The following SSBP1 variants were observed in gnomAD, a reference collection of about 807,000 sequenced individuals.
SSBP1 encodes the protein single stranded DNA binding protein 1.
In SSBP1, 20 loss-of-function variants were observed where a neutral mutation model predicts 27.0. That is an observed-to-expected ratio of 0.74 (90% confidence interval 0.52 to 1.08). The LOEUF (loss-of-function observed/expected upper bound fraction) is 1.08, where lower values mean the gene tolerates loss of function less well. SSBP1 is among the 50% of genes least tolerant of loss of function. The probability of loss-of-function intolerance (pLI) is 0.00; values close to 1 mark genes in which losing one functional copy is unlikely to be tolerated. For synonymous variants in SSBP1, 59 were observed against 59.3 expected (o/e 1.00, Z 0.02); for missense variants, 137 against 182.4 (o/e 0.75, Z 1.44).
At chr7:141,745,806 T>C in intron 6 of SSBP1, 1 of 1,291,274 alleles carries the variant, frequency 7.7e-7, no homozygotes, top group South Asian at 2.3e-5. Context: ...TAGTCACAAG[T>C]AACTTTTGAA....
In SSBP1 at chr7:141,745,578, A is replaced by G; in HGVS notation, c.397A>G (p.Ile133Val). The G allele has an allele frequency of 8.7e-6, 14 of 1,613,438 alleles. No homozygotes were observed. The highest frequency in any genetic ancestry group is 1.2e-5 in the Non-Finnish European group (14 of 1,179,688). ...NNVRRQATTI[I>V]ADNIIFLSDQ... is the part of the protein sequence containing the mutation. ...TGTGAGGCGACAAGCAACAACAATC[A>G]TAGCTGGTAAGAAGCTTGTGAAAAT... Residue 133 changes from isoleucine to valine, a missense_variant, in exon 6 of 7, where the codon ATA becomes GTA. Physicochemically the swap from Ile to Val is conservative, Grantham distance 29. This residue lies in a region of SSBP1 where 95 missense variants were observed against 152.0 expected (regional missense o/e 0.62). Coordinates refer to ENST00000265304, the MANE Select transcript of SSBP1 (RefSeq NM_003143.3).
At chr7:141,742,632 T>C (rs756477026) in intron 3 of SSBP1, among the ~76,000 whole-genome samples, 8 of 151,434 alleles carry the variant, frequency 5.3e-5, no homozygotes, top group Admixed American at 1.3e-4. Context: ...AAAAAAGATA[T>C]CTTAAAGAAT....
intron 5 of SSBP1, among the ~76,000 whole-genome samples, chr7:141,744,907 C>A (rs1479788914): frequency 6.6e-6 from 1 of 151,976 alleles, no homozygotes; most frequent in Admixed American, 6.6e-5. Context: ...TGTCATCTTT[C>A]CACTCTTGAA....
chr7:141,744,114 A>G (rs1054805015), intron 5 of SSBP1, 125 bp downstream of exon 5: 10 of 795,172 alleles, frequency 1.3e-5, no homozygotes, highest in African/African-American at 3.5e-5. Context: ...TATTAATTTA[A>G]GAGGTATTTA....
At chr7:141,748,372 TAA>T (rs1441354154) in intron 6 of SSBP1, among the ~76,000 whole-genome samples, 2 of 152,224 alleles carry the variant, frequency 1.3e-5, no homozygotes, top group African/African-American at 4.8e-5. Context: ...ATTTCTACCT[TAA>T]GTCTCTTAGA....
At chr7:141,741,916 A>G in intron 2 of SSBP1, 1 of 624,064 alleles carries the variant, frequency 1.6e-6, no homozygotes, top group South Asian at 7.2e-5. Flanking sequence ...AATAAATGGG[A>G]GTACTATAAC....
chr7:141,742,096 G>T (rs1033539137), intron 2 of SSBP1, 73 bp from the exon 3 acceptor site: 2 of 1,118,106 alleles, frequency 1.8e-6, no homozygotes, highest in African/African-American at 3.1e-5. Context: ...GTGAATGAAC[G>T]TGAGTAATTC....
At chr7:141,745,232 G>A (rs1799731789) in intron 5 of SSBP1, among the ~76,000 whole-genome samples, 1 of 152,116 alleles carries the variant, frequency 6.6e-6, no homozygotes, top group African/African-American at 2.4e-5. Context: ...ATTTCCCTTT[G>A]AACTGTTTTG....
intron 4 of SSBP1, 28 bp downstream of exon 4, chr7:141,743,729 T>C (rs1320637748): frequency 6.2e-7 from 1 of 1,607,770 alleles, no homozygotes; most frequent in Non-Finnish European, 8.5e-7. Context: ...GGGTTTTAAT[T>C]TTATCAGCAA....
At position 141,744,084 on chromosome 7, in the gene SSBP1, C is replaced by A; in HGVS notation, c.314+95C>A. 3.0e-6 allele frequency: 3 copies of A among 996,330 alleles called. No homozygotes were observed. In the East Asian group the frequency reaches 7.6e-5, roughly 25 times the overall value. 61.7% of individuals were successfully genotyped at this position (996,330 alleles called of 1,614,324 possible). A position where few individuals can be genotyped will look rare whatever the true frequency, so the allele number is the denominator to read the frequency against. The stretch of plus-strand genomic sequence containing the variant: ...AAGGAGTGTGTAGTCTCTTAAATCC[C>A]TGAGTACTACTAATGACTGTATTAA... On this transcript the variant is annotated intron_variant, in intron 5 of 6. Coordinates refer to ENST00000265304, the MANE Select transcript of SSBP1 (RefSeq NM_003143.3).
At chr7:141,749,617 A>C (rs1799896007) in intron 6 of SSBP1, among the ~76,000 whole-genome samples, 2 of 152,274 alleles carry the variant, frequency 1.3e-5, no homozygotes, top group African/African-American at 4.8e-5. Context: ...CCCTGTCTCT[A>C]TTAAAAATAC....
At position 141,742,166 on chromosome 7, in the gene SSBP1, T is replaced by C. The variant is rs774582595; in HGVS notation, c.25-3T>C. The C allele has an allele frequency of 3.8e-6, 6 of 1,599,050 alleles. No individual in the cohort carries two copies. The highest frequency in any genetic ancestry group is 2.2e-5 in the East Asian group (1 of 44,622). On this transcript the variant is annotated splice_region_variant and splice_polypyrimidine_tract_variant and intron_variant, in intron 2 of 6. Coordinates refer to ENST00000265304, the MANE Select transcript of SSBP1 (RefSeq NM_003143.3). ...GCCATGTTATTCATTTGTTCTTCTT[T>C]AGGTACTTCGTCAGTTTGTAAGACA...
chr7:141,744,664 C>A (rs922897941), intron 5 of SSBP1, among the ~76,000 whole-genome samples: 6 of 152,136 alleles, frequency 3.9e-5, no homozygotes, highest in Admixed American at 2.0e-4. Context: ...TAAAATTTTT[C>A]TTTTCAATAA....
intron 5 of SSBP1, among the ~76,000 whole-genome samples, chr7:141,744,614 G>C (rs17462840): frequency 0.42 from 64,123 of 152,054 alleles, 14,535 homozygotes; most frequent in East Asian, 0.69. Flanking sequence ...TTGTTTTGTA[G>C]AAAGAAAACA....
chr7:141,743,054 C>T (rs572104188), intron 3 of SSBP1, among the ~76,000 whole-genome samples: 9 of 152,290 alleles, frequency 5.9e-5, no homozygotes, highest in East Asian at 5.8e-4. Context: ...GGGGTTTCAC[C>T]GTGTTAGCCA....
chr7:141,741,772 A>AC (rs1799541727), intron 2 of SSBP1: 1 of 998,132 alleles, frequency 1.0e-6, no homozygotes, highest in Admixed American at 5.9e-5. Flanking sequence ...GATTTTGAAA[A>AC]TACTTGGCAG....
chr7:141,743,397 C>T (rs936593393), intron 3 of SSBP1, among the ~76,000 whole-genome samples, 164 bp from the exon 4 acceptor site: 4 of 152,142 alleles, frequency 2.6e-5, no homozygotes, highest in Non-Finnish European at 5.9e-5. Flanking sequence ...ATAGGGACAC[C>T]TCACCCTCAT....
intron 6 of SSBP1, among the ~76,000 whole-genome samples, chr7:141,747,064 T>A (rs2117192619): frequency 6.6e-6 from 1 of 152,304 alleles, no homozygotes; most frequent in African/African-American, 2.4e-5. Flanking sequence ...TAAAAGAAAC[T>A]TTAAAATATT....
chr7:141,748,094 C>T (rs1053619670), intron 6 of SSBP1, among the ~76,000 whole-genome samples: 17 of 149,770 alleles, frequency 1.1e-4, no homozygotes, highest in African/African-American at 1.7e-4. Context: ...CCTACCATTT[C>T]GCTTCAGTGT....
Sources: gnomAD v4.1 joint callset for allele counts (sites outside exome capture counted in the v4.1 genomes callset) on GRCh38, gnomAD v4.1.1 for gene constraint, gnomAD v4.1.1 regional missense constraint, MANE v1.5 for transcripts, NCBI Gene and HGNC (gene_info 2026-07-23, HGNC 2026-07-21) for gene names.